The following GRIK1 variants were observed in gnomAD, a reference collection of about 807,000 sequenced individuals.
GRIK1 encodes glutamate ionotropic receptor kainate type subunit 1.
In GRIK1, 69 loss-of-function variants were observed where a neutral mutation model predicts 105.7. The ratio of observed to expected loss-of-function variants is 0.65; its 90% CI spans 0.54 to 0.80. The LOEUF is 0.80. GRIK1 is among the 30% of genes least tolerant of loss of function. The pLI is 0.00. For missense variants in GRIK1, 1,109 were observed against 1,167.3 expected (o/e 0.95, Z 0.73); for synonymous variants, 438 against 431.3 (o/e 1.02, Z -0.19).
At chr21:29,772,965 T>C (rs1365465980) in intron 1 of GRIK1, among the ~76,000 whole-genome samples, 1 of 152,184 alleles carries the variant, frequency 6.6e-6, no homozygotes, top group Non-Finnish European at 1.5e-5. Context: ...TAACCTGTAT[T>C]GCTCCATTTA....
At chr21:29,705,538 C>G (rs1220368960) in intron 1 of GRIK1, among the ~76,000 whole-genome samples, 3 of 152,190 alleles carry the variant, frequency 2.0e-5, no homozygotes, top group African/African-American at 7.2e-5. Flanking sequence ...TAGATCTACT[C>G]TCTTTGGGAC....
At chr21:29,543,198 C>G (rs1361369082) in intron 16 of GRIK1, among the ~76,000 whole-genome samples, 1 of 152,074 alleles carries the variant, frequency 6.6e-6, no homozygotes, top group African/African-American at 2.4e-5. Context: ...ACAAAAACTT[C>G]ACTTCCTTAA....
chr21:29,734,426 T>TTTTCTTTTCTTTTCTTTTCTTTTCTTTTC (rs1284335668), intron 1 of GRIK1, among the ~76,000 whole-genome samples: 5 of 20,838 alleles, frequency 2.4e-4, no homozygotes, highest in Non-Finnish European at 7.4e-4. Flanking sequence ...CTTTTCTTTT[T>TTTTCTTTTCTTTTCTTTTCTTTTCTTTTC]GAGACAGAGT....
intron 1 of GRIK1, among the ~76,000 whole-genome samples, chr21:29,862,038 G>A (rs1484881431): frequency 6.6e-6 from 1 of 152,066 alleles, no homozygotes; most frequent in Non-Finnish European, 1.5e-5. Flanking sequence ...CCAGGCTGTG[G>A]TGCAATGGCA....
At chr21:29,717,116 A>C (rs899996012) in intron 1 of GRIK1, among the ~76,000 whole-genome samples, 16 of 152,274 alleles carry the variant, frequency 1.1e-4, no homozygotes, top group African/African-American at 3.9e-4. Flanking sequence ...ACAGATGTCA[A>C]GAATGAAGGT....
intron 7 of GRIK1, among the ~76,000 whole-genome samples, chr21:29,619,170 G>C (rs184094817): frequency 6.7e-6 from 1 of 148,380 alleles, no homozygotes; most frequent in Admixed American, 6.8e-5. Flanking sequence ...TGGGCACGAT[G>C]CCTCACGCCT....
At chr21:29,664,487 A>G (rs1195545260) in intron 4 of GRIK1, among the ~76,000 whole-genome samples, 1 of 152,182 alleles carries the variant, frequency 6.6e-6, no homozygotes, top group Non-Finnish European at 1.5e-5. Flanking sequence ...TTTTTAGAGA[A>G]GTGGAAAATA....
chr21:29,618,175 T>G (rs889504622), intron 7 of GRIK1, among the ~76,000 whole-genome samples: 5 of 152,240 alleles, frequency 3.3e-5, no homozygotes, highest in African/African-American at 1.2e-4. Context: ...CATAGTTTCC[T>G]GCAATTATCC....
rs181357166 is a variant in GRIK1, at chr21:29,824,823, C to T, written c.118+114560G>A. Among the ~76,000 whole-genome samples, 31 of 151,976 alleles carry T rather than the reference C, an allele frequency of 2.0e-4. No individual in the cohort carries two copies. The East Asian group carries it at 5.4e-3, about 27-fold the overall frequency. ...CATAAGAAGACAAAGAACAGCCGGT[C>T]GACTTTAACAGCATCCCACTGACTT... is the stretch of plus-strand genomic sequence containing the variant. On this transcript the variant is annotated intron_variant, in intron 1 of 17. Coordinates refer to ENST00000327783, the MANE Select transcript of GRIK1 (RefSeq NM_001330994.2).
intron 1 of GRIK1, among the ~76,000 whole-genome samples, chr21:29,785,098 T>C (rs1670551682): frequency 6.6e-6 from 1 of 152,214 alleles, no homozygotes; most frequent in Non-Finnish European, 1.5e-5. Context: ...ATACCTAGTT[T>C]TTCTGGTGCA....
intron 1 of GRIK1, among the ~76,000 whole-genome samples, chr21:29,911,656 T>C (rs1043495403): frequency 7.2e-5 from 11 of 151,750 alleles, no homozygotes; most frequent in African/African-American, 2.7e-4. Context: ...TTAGGTGAGG[T>C]CATTAGAGTG....
intron 1 of GRIK1, among the ~76,000 whole-genome samples, chr21:29,836,720 C>T (rs1277787206): frequency 2.0e-5 from 3 of 152,144 alleles, no homozygotes; most frequent in Non-Finnish European, 4.4e-5. Flanking sequence ...AATCTCACAT[C>T]ATGAGAAATC....
At chr21:29,661,147 C>T (rs1054590285) in intron 4 of GRIK1, among the ~76,000 whole-genome samples, 2 of 152,110 alleles carry the variant, frequency 1.3e-5, no homozygotes, top group Admixed American at 6.5e-5. Context: ...TACATTCATG[C>T]CACATTGAAT....
rs547051704 is a variant in GRIK1 at position 29,683,061 on chromosome 21, T to C, written c.544+6667A>G. ...TCATCATGACAGATCATCAGAGAAA[T>C]GCAGATGAAAACTACAAGACACCAT... On this transcript the variant is annotated intron_variant, in intron 3 of 17. Transcript: ENST00000327783. Among the ~76,000 whole-genome samples the C allele has an allele frequency of 9.4e-4, 143 of 152,110 alleles. 1 individual carries two copies. The highest frequency in any genetic ancestry group is 1.8e-3 in the Non-Finnish European group (122 of 68,024).
chr21:29,763,888 T>TTTCTTCC (rs2065591936), intron 1 of GRIK1: 1 of 152,204 alleles, frequency 6.6e-6, no homozygotes, highest in Non-Finnish European at 1.5e-5. Flanking sequence ...ACTCTCTCAG[T>TTTCTTCC]GTGGAAGCTG....
rs143924627 is a variant in GRIK1, at chr21:29,847,693, T to C, written c.118+91690A>G. On this transcript the variant is annotated intron_variant, in intron 1 of 17. Coordinates refer to ENST00000327783, the MANE Select transcript of GRIK1 (RefSeq NM_001330994.2). ...ATCTTTGTTGCAATGGCTGGTTGTC[T>C]CTTTACTACATCAAGTCAAACATCT... Among the ~76,000 whole-genome samples the C allele has an allele frequency of 1.2e-3, 183 of 152,336 alleles. 1 individual carries two copies. The highest frequency in any genetic ancestry group is 4.1e-3 in the South Asian group (20 of 4,822).
At chr21:29,688,804 A>G (rs760176601) in intron 3 of GRIK1, among the ~76,000 whole-genome samples, 1 of 152,118 alleles carries the variant, frequency 6.6e-6, no homozygotes, top group Admixed American at 6.5e-5. Flanking sequence ...GAGGGAGTTC[A>G]CCACCGTGAA....
intron 1 of GRIK1, among the ~76,000 whole-genome samples, chr21:29,912,269 C>T (rs1343356961): frequency 6.6e-6 from 1 of 152,116 alleles, no homozygotes. Context: ...ACATCTCCAA[C>T]CATAAATATT....
At chr21:29,899,113 A>G (rs947484195) in intron 1 of GRIK1, among the ~76,000 whole-genome samples, 1 of 152,232 alleles carries the variant, frequency 6.6e-6, no homozygotes, top group African/African-American at 2.4e-5. Flanking sequence ...CCAAATTGAA[A>G]TGAGAATTAA....
Sources: allele counts gnomAD v4.1 joint callset (sites outside exome capture counted in the v4.1 genomes callset), GRCh38; gene constraint gnomAD v4.1.1; transcripts MANE v1.5; gene names NCBI Gene and HGNC (gene_info 2026-07-23, HGNC 2026-07-21).